Variants in LPAR3 observed in about 807,000 individuals in gnomAD.
LPAR3 encodes the protein LPA receptor 3.
In LPAR3, 7 loss-of-function variants were observed where a neutral mutation model predicts 17.8. That is an observed-to-expected ratio of 0.39 (90% CI 0.22 to 0.74). The LOEUF is 0.74. Among genes scored for constraint, LPAR3 ranks in the 30% least tolerant of loss-of-function variants. LPAR3 has a pLI of 0.40. For synonymous variants in LPAR3, 179 were observed against 179.9 expected, an observed-to-expected ratio of 0.99 and a Z score of 0.04; for missense variants, 391 against 453.4, an observed-to-expected ratio of 0.86 and a Z score of 1.25.
In LPAR3 at chr1:84,813,830, G is replaced by C. The variant is rs368075022; in HGVS notation, c.*16C>G. On this transcript the variant is annotated 3_prime_UTR_variant, in exon 3 of 3. Coordinates refer to ENST00000370611, the MANE Select transcript of LPAR3 (RefSeq NM_012152.3). ...TTCCCAGAGGAGGCCTGGGTGGGCC[G>C]AGAGGCATCCAGAGTTTAGGAAGTG... is the stretch of plus-strand genomic sequence containing the variant. The C allele has an allele frequency of 2.5e-6, 4 of 1,603,486 alleles. No individual in the cohort carries two copies. The highest frequency in any genetic ancestry group is 3.4e-6 in the Non-Finnish European group (4 of 1,172,080).
intron 2 of LPAR3, among the ~76,000 whole-genome samples, chr1:84,838,914 C>T (rs997674170): frequency 1.2e-4 from 18 of 152,184 alleles, no homozygotes; most frequent in African/African-American, 3.4e-4. Context: ...CTTTCATTTC[C>T]GGGCTTTGTC....
At chr1:84,817,970 C>G (rs1314074439) in intron 2 of LPAR3, among the ~76,000 whole-genome samples, 3 of 152,212 alleles carry the variant, frequency 2.0e-5, no homozygotes, top group Non-Finnish European at 2.9e-5. Context: ...CGGGCCACAG[C>G]TGAGCAGCCT....
chr1:84,816,673 C>G (rs956054925), intron 2 of LPAR3, among the ~76,000 whole-genome samples: 1 of 152,244 alleles, frequency 6.6e-6, no homozygotes, highest in East Asian at 1.9e-4. Context: ...TGGCAGGCAC[C>G]TGTAGTCCCA....
At chr1:84,852,526 G>C (rs1366991739) in intron 2 of LPAR3, among the ~76,000 whole-genome samples, 1 of 152,128 alleles carries the variant, frequency 6.6e-6, no homozygotes, top group Non-Finnish European at 1.5e-5. Flanking sequence ...CTGCAGGGCA[G>C]CTGAAGCTTG....
intron 1 of LPAR3, among the ~76,000 whole-genome samples, chr1:84,877,434 C>T (rs1017263055): frequency 7.2e-5 from 11 of 152,308 alleles, no homozygotes; most frequent in African/African-American, 2.2e-4. Flanking sequence ...GGACATAAGT[C>T]AGACACAGTC....
chr1:84,832,004 T>A (rs2102750111), intron 2 of LPAR3, among the ~76,000 whole-genome samples: 1 of 152,146 alleles, frequency 6.6e-6, no homozygotes, highest in South Asian at 2.1e-4. Context: ...ATTAGAGAAA[T>A]GTTGAACATT....
At position 84,813,962 on chromosome 1, in the gene LPAR3, G is replaced by C. The variant is rs146513127; in HGVS notation, c.946C>G (p.Pro316Ala). ...KMICCFSQEN[P>A]ERRPSRIPST... ...GGGATGCGAGAGGGACGCCTCTCTG[G>C]GTTCTCCTGAGAGAAGCAGCAGATC... Residue 316 changes from proline to alanine, a missense_variant, in exon 3 of 3, where the codon CCA becomes GCA. Transcript: ENST00000370611. The C allele has an allele frequency of 1.2e-6, 2 of 1,614,116 alleles. No homozygotes were observed. Among genetic ancestry groups the C allele is most frequent in the Admixed American group, 1.7e-5 (1 of 60,012 alleles).
At chr1:84,871,628 G>T (rs17116759) in intron 1 of LPAR3, among the ~76,000 whole-genome samples, 5,196 of 152,182 alleles carry the variant, frequency 0.034, 256 homozygotes, top group African/African-American at 0.11. Flanking sequence ...AGGTTAGTTG[G>T]TACTCTAGCA....
intron 2 of LPAR3, among the ~76,000 whole-genome samples, chr1:84,824,554 G>C (rs1239281236): frequency 6.6e-6 from 1 of 152,118 alleles, no homozygotes; most frequent in Non-Finnish European, 1.5e-5. Context: ...TTATGACTAA[G>C]GGCAAATCAG....
intron 1 of LPAR3, among the ~76,000 whole-genome samples, chr1:84,867,280 T>C (rs1570895770): frequency 6.6e-6 from 1 of 152,320 alleles, no homozygotes; most frequent in African/African-American, 2.4e-5. Context: ...CGGAAGAAGA[T>C]TGGGCTTAGG....
intron 1 of LPAR3, among the ~76,000 whole-genome samples, chr1:84,870,473 GAA>G (rs1310917522): frequency 1.3e-5 from 2 of 152,216 alleles, no homozygotes; most frequent in Non-Finnish European, 2.9e-5. Flanking sequence ...AAGGTTCTGT[GAA>G]ATGCCTTTGC....
At chr1:84,849,704 C>A (rs756820263) in intron 2 of LPAR3, among the ~76,000 whole-genome samples, 1 of 152,156 alleles carries the variant, frequency 6.6e-6, no homozygotes, top group Non-Finnish European at 1.5e-5. Flanking sequence ...AGTGCTCGAG[C>A]CTGGTGATAA....
In LPAR3 at chr1:84,814,080, C is replaced by A; in HGVS notation, c.828G>T (p.Arg276Ser). The change falls in exon 3 of 3, where the codon AGG becomes AGT. Residue 276 changes from arginine (R) to serine (S), a missense_variant. Physicochemically the swap from Arg to Ser is moderately radical, Grantham distance 110 (BLOSUM62 -1). Transcript: ENST00000370611. ...TGAGCAGCGCCAGCAGCAGGAACCA[C>A]CTTTTCACATGCTGCACGCCACACT... is the stretch of plus-strand genomic sequence containing the variant. ...CRQCGVQHVK[R>S]WFLLLALLNS... The A allele has an allele frequency of 6.2e-7, 1 of 1,614,180 alleles. No homozygotes were observed. The highest frequency in any genetic ancestry group is 8.5e-7 in the Non-Finnish European group (1 of 1,180,036).
rs1344231779 is a variant in LPAR3, at chr1:84,814,177, A to G, written c.737-6T>C. 5.6e-6 allele frequency: 9 copies of G among 1,610,466 alleles called. No homozygotes were observed. The highest frequency in any genetic ancestry group is 6.8e-6 in the Non-Finnish European group (8 of 1,177,706). On this transcript the variant is annotated splice_region_variant and splice_polypyrimidine_tract_variant and intron_variant, in intron 2 of 2. Coordinates refer to ENST00000370611, the MANE Select transcript of LPAR3 (RefSeq NM_012152.3). ...CCAGCATACCACAAACGCCCCTGCA[A>G]GGAGAGAAGAGGAGGCAACAGATGC...
At chr1:84,830,309 A>G (rs1659258348) in intron 2 of LPAR3, among the ~76,000 whole-genome samples, 1 of 152,124 alleles carries the variant, frequency 6.6e-6, no homozygotes, top group Non-Finnish European at 1.5e-5. Flanking sequence ...AATTAGATAC[A>G]TAAACAGACT....
intron 2 of LPAR3, among the ~76,000 whole-genome samples, chr1:84,847,332 C>T (rs1659611367): frequency 6.6e-6 from 1 of 152,212 alleles, no homozygotes; most frequent in African/African-American, 2.4e-5. Context: ...CAGGGCTGTA[C>T]TAGTGGATCA....
chr1:84,839,593 C>A (rs1474534836), intron 2 of LPAR3, among the ~76,000 whole-genome samples: 1 of 152,044 alleles, frequency 6.6e-6, no homozygotes, highest in Non-Finnish European at 1.5e-5. Flanking sequence ...ATCACTTGAG[C>A]CCAGTAGTTC....
chr1:84,862,208 C>T (rs1206214702), intron 2 of LPAR3, among the ~76,000 whole-genome samples: 1 of 152,220 alleles, frequency 6.6e-6, no homozygotes, highest in Admixed American at 6.5e-5. Context: ...CATTCTTTAT[C>T]AAAAACATCA....
intron 1 of LPAR3, among the ~76,000 whole-genome samples, chr1:84,874,463 C>A (rs1660217937): frequency 6.6e-6 from 1 of 152,068 alleles, no homozygotes; most frequent in South Asian, 2.1e-4. Flanking sequence ...GTTTAACAAA[C>A]AACTAGAATC....
Sources: gnomAD v4.1 joint callset for allele counts (sites outside exome capture counted in the v4.1 genomes callset) on GRCh38, gnomAD v4.1.1 for gene constraint, MANE v1.5 for transcripts, NCBI Gene and HGNC (gene_info 2026-07-23, HGNC 2026-07-21) for gene names.